KCNN3: variants seen among roughly 807,000 people sequenced by gnomAD.
KCNN3 encodes the protein potassium calcium-activated channel subfamily N member 3.
A neutral mutation model predicts 62.9 loss-of-function variants in KCNN3; 16 were observed. That is an observed-to-expected ratio of 0.25 (90% CI 0.17 to 0.39). The LOEUF (loss-of-function observed/expected upper bound fraction) is 0.39. Ranked by LOEUF, KCNN3 falls within the 10% of genes least tolerant of loss-of-function variation. The probability of loss-of-function intolerance (pLI) is 1.00; values close to 1 mark genes in which losing one functional copy is unlikely to be tolerated. For missense variants in KCNN3, 599 were observed against 949.4 expected (o/e 0.63, Z 4.85); for synonymous variants, 370 against 389.2 (o/e 0.95, Z 0.58).
intron 2 of KCNN3, among the ~76,000 whole-genome samples, chr1:154,785,574 T>C (rs1649244930): frequency 1.4e-4 from 1 of 7,090 alleles, no homozygotes; most frequent in African/African-American, 2.1e-4. Flanking sequence ...TTCTTTTTCT[T>C]TTTTTTTTTT....
Position 154,708,026 on chromosome 1 carries a change from C to A in KCNN3, c.2146G>T (p.Val716Phe), listed in dbSNP as rs764160677. ...GGGGTCGGGAAGGAGGTGGAGCTGA[C>A]CCCAATGGGGCTATCGGAGATTGGG... The part of the protein sequence containing the change: ...HTPISDSPIG[V>F]SSTSFPTPYT... The change falls in exon 8 of 8, where the codon GTC (valine) becomes TTC (phenylalanine). Residue 716 changes from valine (V) to phenylalanine (F), a missense_variant. This residue lies in a region of KCNN3 where 52 missense variants were observed against 53.3 expected (regional missense o/e 0.98). Coordinates refer to ENST00000271915, the MANE Select transcript of KCNN3 (RefSeq NM_002249.6). 7.3e-5 allele frequency: 118 copies of A among 1,613,210 alleles called. No individual in the cohort carries two copies. The highest frequency in any genetic ancestry group is 8.7e-5 in the Non-Finnish European group (103 of 1,179,572).
chr1:154,768,996 A>G (rs1292090040), intron 3 of KCNN3, among the ~76,000 whole-genome samples: 2 of 152,186 alleles, frequency 1.3e-5, no homozygotes, highest in Admixed American at 1.3e-4. Context: ...ATGGAAGTTC[A>G]GAGTCAGAAA....
At chr1:154,819,355 T>G (rs1411385906) in intron 2 of KCNN3, among the ~76,000 whole-genome samples, 4 of 152,158 alleles carry the variant, frequency 2.6e-5, no homozygotes, top group African/African-American at 9.7e-5. Flanking sequence ...GAACTCAGCA[T>G]GCTTTCCATT....
chr1:154,777,787 G>A (rs905009918), intron 2 of KCNN3, among the ~76,000 whole-genome samples: 4 of 152,234 alleles, frequency 2.6e-5, no homozygotes, highest in African/African-American at 9.6e-5. Flanking sequence ...TGGACAGAGT[G>A]TGGCATGGGG....
intron 4 of KCNN3, among the ~76,000 whole-genome samples, chr1:154,727,032 G>A (rs183186189): frequency 1.3e-5 from 2 of 152,334 alleles, no homozygotes; most frequent in Admixed American, 6.5e-5. Flanking sequence ...TAGGCTTCTT[G>A]GTTGGCTTGT....
In KCNN3 at chr1:154,869,617, G is replaced by A. The variant is rs770872750; in HGVS notation, c.348C>T (p.Ser116=). ...TGGAGGAAGGGTGGAGGATGGCGGT[G>A]GAGTTGGACGAAGGGGGGGCCCTGA... The part of the protein sequence containing the change: ...TAFRAPPSSN[S]TAILHPSSRQ... The change falls in exon 1 of 8, where the codon TCC becomes TCT. Residue 116 remains serine, a synonymous_variant. Coordinates refer to ENST00000271915, the MANE Select transcript of KCNN3 (RefSeq NM_002249.6). The surrounding 1 kb of genome is among the most constrained non-coding windows in gnomAD (Gnocchi z 6.1). 1.4e-5 allele frequency: 23 copies of A among 1,613,952 alleles called. No homozygotes were observed. Among genetic ancestry groups the A allele is most frequent in the Non-Finnish European group, 1.9e-5 (23 of 1,180,000 alleles).
intron 2 of KCNN3, among the ~76,000 whole-genome samples, chr1:154,817,320 G>A (rs1650707851): frequency 6.6e-6 from 1 of 152,194 alleles, no homozygotes; most frequent in African/African-American, 2.4e-5. Flanking sequence ...TAGTCCCAGG[G>A]ATTAAATACC....
chr1:154,855,234 T>TAAAC (rs1652473793), intron 1 of KCNN3, among the ~76,000 whole-genome samples: 1 of 151,572 alleles, frequency 6.6e-6, no homozygotes, highest in Middle Eastern at 3.2e-3. Context: ...AATAAATAAA[T>TAAAC]AAATAAATAA....
chr1:154,869,320 G>A lies in KCNN3; in HGVS notation c.645C>T (p.Asn215=), dbSNP rs766011548. The A allele has an allele frequency of 8.7e-6, 14 of 1,613,646 alleles. No individual in the cohort carries two copies. Among genetic ancestry groups the A allele is most frequent in the Admixed American group, 3.3e-5 (2 of 60,004 alleles). Residue 215 remains asparagine, a synonymous_variant, in exon 1 of 8, where the codon AAC becomes AAT. Coordinates refer to ENST00000271915, the MANE Select transcript of KCNN3 (RefSeq NM_002249.6). This position sits in a 1 kb window ranked among gnomAD's most constrained non-coding sequence, Gnocchi z 6.1. ...GGGAGGAGATGACGATCTCCGGGGG[G>A]TTGCTAGGGCTGAAAAGCTGGAGGG... The part of the protein sequence containing the change: ...GQPLQLFSPS[N]PPEIVISSRE...
At chr1:154,814,021 C>T (rs769743420) in intron 2 of KCNN3, among the ~76,000 whole-genome samples, 31 of 152,236 alleles carry the variant, frequency 2.0e-4, no homozygotes, top group Non-Finnish European at 3.7e-4. Flanking sequence ...CCATGGCCAG[C>T]GGCCGATCCA....
chr1:154,749,709 G>A (rs1383766886), intron 3 of KCNN3, among the ~76,000 whole-genome samples: 1 of 152,214 alleles, frequency 6.6e-6, no homozygotes, highest in African/African-American at 2.4e-5. Context: ...GAGGGACAGG[G>A]ATGGAGACAG....
intron 2 of KCNN3, among the ~76,000 whole-genome samples, chr1:154,802,922 T>C (rs1246761910): frequency 6.6e-6 from 1 of 152,184 alleles, no homozygotes; most frequent in African/African-American, 2.4e-5. Context: ...TTCTACTTAG[T>C]TGTTCTGCCT....
chr1:154,796,965 G>A (rs747021005), intron 2 of KCNN3, among the ~76,000 whole-genome samples: 16 of 152,222 alleles, frequency 1.1e-4, no homozygotes, highest in Admixed American at 2.6e-4. Flanking sequence ...ATCTAATCCC[G>A]GTGTGCTTGT....
chr1:154,860,826 T>C (rs1340988232), intron 1 of KCNN3, among the ~76,000 whole-genome samples: 3 of 152,162 alleles, frequency 2.0e-5, no homozygotes. Flanking sequence ...TGAGACCCAG[T>C]GTGTGGCTGG....
chr1:154,701,326 G>A lies in KCNN3; in HGVS notation c.*6650C>T, dbSNP rs1232658535. The A allele has an allele frequency of 6.6e-6, 1 of 152,158 alleles. No individual in the cohort carries two copies. Among genetic ancestry groups the A allele is most frequent in the Non-Finnish European group, 1.5e-5 (1 of 68,038 alleles). 9.4% of individuals were successfully genotyped at this position (152,158 alleles called of 1,614,324 possible). ...CAGTTAATCTGCCCCGATGCAACCTGGTTTGCACCTGTACAATATTGCACC... is the reference window on the plus strand; with the variant it reads ...CAGTTAATCTGCCCCGATGCAACCTAGTTTGCACCTGTACAATATTGCACC... On this transcript the variant is annotated 3_prime_UTR_variant, in exon 8 of 8. Transcript: ENST00000271915.
intron 1 of KCNN3, among the ~76,000 whole-genome samples, chr1:154,863,393 CTT>C (rs1210284302): frequency 6.6e-6 from 1 of 152,186 alleles, no homozygotes; most frequent in Non-Finnish European, 1.5e-5. Flanking sequence ...TCTTGCTCTC[CTT>C]TTGGGGTTTT....
chr1:154,831,022 T>G (rs1162922650), intron 1 of KCNN3, among the ~76,000 whole-genome samples: 1 of 152,246 alleles, frequency 6.6e-6, no homozygotes, highest in Non-Finnish European at 1.5e-5. Flanking sequence ...TAATTTATTT[T>G]CCTGCCCCAC....
At chr1:154,793,344 G>A (rs1280403518) in intron 2 of KCNN3, among the ~76,000 whole-genome samples, 1 of 152,120 alleles carries the variant, frequency 6.6e-6, no homozygotes, top group Non-Finnish European at 1.5e-5. Context: ...TTGGTAAGAG[G>A]CTGACCCTGA....
intron 1 of KCNN3, among the ~76,000 whole-genome samples, chr1:154,853,490 C>T (rs1349604836): frequency 1.3e-5 from 2 of 152,132 alleles, no homozygotes; most frequent in African/African-American, 2.4e-5. Context: ...CACGCACCAC[C>T]ATGCCCAGCT....
Sources: allele counts gnomAD v4.1 joint callset (sites outside exome capture counted in the v4.1 genomes callset), GRCh38; gene constraint gnomAD v4.1.1; regional missense constraint gnomAD v4.1.1; non-coding constraint Gnocchi (gnomAD v3.1); transcripts MANE v1.5; gene names NCBI Gene and HGNC (gene_info 2026-07-23, HGNC 2026-07-21).